The following UTRN variants were observed in gnomAD, a reference collection of about 807,000 sequenced individuals.
UTRN encodes dystrophin-related protein 1.
UTRN carries 283 observed loss-of-function variants against 463.9 expected under a neutral mutation model. The observed-to-expected ratio is 0.61, with a 90% CI of 0.55 to 0.67. The LOEUF (loss-of-function observed/expected upper bound fraction) is 0.67. Ranked by LOEUF, UTRN falls within the 30% of genes least tolerant of loss-of-function variation. UTRN has a pLI of 0.00. For missense variants in UTRN, 3,922 were observed against 4,084.3 expected (o/e 0.96, Z 1.08); for synonymous variants, 1,442 against 1,431.5 (o/e 1.01, Z -0.17).
At chr6:144,641,722 G>A (rs1056560505) in intron 51 of UTRN, among the ~76,000 whole-genome samples, 1 of 152,138 alleles carries the variant, frequency 6.6e-6, no homozygotes, top group Non-Finnish European at 1.5e-5. Context: ...ATACCAAAAT[G>A]CTACTTTTAG....
chr6:144,482,120 T>C, intron 26 of UTRN, 89 bp from the exon 27 acceptor site: 1 of 1,240,378 alleles, frequency 8.1e-7, no homozygotes, highest in Non-Finnish European at 1.1e-6. Flanking sequence ...TTAACTTTGG[T>C]TTAATTCTTG....
chr6:144,693,034 T>C (rs1783598843), intron 52 of UTRN, among the ~76,000 whole-genome samples: 1 of 152,098 alleles, frequency 6.6e-6, no homozygotes, highest in Non-Finnish European at 1.5e-5. Context: ...GGGTTTTACA[T>C]TTAAGTATTT....
intron 19 of UTRN, among the ~76,000 whole-genome samples, chr6:144,456,289 G>C (rs1788805575): frequency 1.3e-5 from 2 of 152,064 alleles, no homozygotes; most frequent in South Asian, 2.1e-4. Context: ...ATTCTGATAG[G>C]TCTTTCCTGC....
chr6:144,730,432 G>A lies in UTRN; in HGVS notation c.7885G>A (p.Asp2629Asn). The change falls in exon 54 of 75, where the codon GAT (aspartate) becomes AAT (asparagine). Residue 2629 changes from aspartate to asparagine, a missense_variant. Asp to Asn is a conservative substitution (Grantham distance 23, BLOSUM62 1). This residue lies in a region of UTRN where 1,309 missense variants were observed against 1,452.6 expected (regional missense o/e 0.90). Transcript: ENST00000367545. ...CGACCAGGCCCGAGTTTTCTTGGCT[G>A]ATCAGCCAATTGAGGCCCCTGAAGA... ...AVDQARVFLA[D>N]QPIEAPEEPR... 1.2e-6 allele frequency: 2 copies of A among 1,611,452 alleles called. No homozygotes were observed. Among genetic ancestry groups the A allele is most frequent in the Non-Finnish European group, 1.7e-6 (2 of 1,178,660 alleles).
At chr6:144,329,333 G>T (rs56167520) in intron 2 of UTRN, among the ~76,000 whole-genome samples, 2 of 151,928 alleles carry the variant, frequency 1.3e-5, no homozygotes, top group African/African-American at 4.8e-5. Context: ...CGCCTGCCTC[G>T]GCCTCCCAAA....
At chr6:144,830,478 A>C (rs752420628) in intron 69 of UTRN, among the ~76,000 whole-genome samples, 4 of 152,192 alleles carry the variant, frequency 2.6e-5, no homozygotes, top group South Asian at 2.1e-4. Flanking sequence ...ATGTATATAC[A>C]GTTACAATTA....
intron 4 of UTRN, among the ~76,000 whole-genome samples, chr6:144,422,482 C>T (rs866353736): frequency 1.3e-5 from 2 of 152,000 alleles, no homozygotes; most frequent in South Asian, 2.1e-4. Context: ...CTGGGTGTGG[C>T]GGCATGTGCC....
intron 51 of UTRN, among the ~76,000 whole-genome samples, chr6:144,628,305 C>T (rs1776156674): frequency 1.3e-5 from 2 of 152,160 alleles, no homozygotes; most frequent in South Asian, 2.1e-4. Flanking sequence ...ATTTTATTCA[C>T]CTCTCAAAGC....
At chr6:144,423,936 A>G in intron 5 of UTRN, 50 bp from the exon 6 acceptor site, 1 of 1,573,802 alleles carries the variant, frequency 6.4e-7, no homozygotes, top group Middle Eastern at 1.7e-4. Flanking sequence ...TTCTGTGAAG[A>G]AATTGTCTTA....
chr6:144,685,070 C>T (rs1342193835), intron 52 of UTRN, among the ~76,000 whole-genome samples: 1 of 152,110 alleles, frequency 6.6e-6, no homozygotes, highest in Admixed American at 6.6e-5. Context: ...CATTATATCA[C>T]TGTGTATGCC....
At chr6:144,726,930 A>G (rs1024353957) in intron 53 of UTRN, among the ~76,000 whole-genome samples, 3 of 152,340 alleles carry the variant, frequency 2.0e-5, no homozygotes, top group African/African-American at 7.2e-5. Context: ...CAATATGTAC[A>G]TATTTCCATT....
chr6:144,440,384 G>C lies in UTRN; in HGVS notation c.1425G>C (p.Val475=). 6.2e-7 allele frequency: 1 copy of C among 1,614,180 alleles called. No individual in the cohort carries two copies. Among genetic ancestry groups the C allele is most frequent in the Non-Finnish European group, 8.5e-7 (1 of 1,180,032 alleles). Residue 475 remains valine, a synonymous_variant, in exon 13 of 75, where the codon GTG becomes GTC. Transcript: ENST00000367545. ...SLQSDLEAEQ[V]KVNSLTHMVV... is the part of the protein sequence containing the mutation. ...AAAGTGATCTTGAGGCTGAACAGGT[G>C]AAAGTAAATTCACTAACTCACATGG...
intron 19 of UTRN, among the ~76,000 whole-genome samples, chr6:144,455,224 A>G (rs1788703700): frequency 6.6e-6 from 1 of 152,210 alleles, no homozygotes; most frequent in African/African-American, 2.4e-5. Context: ...TTATTAATAA[A>G]TGTTAATTTC....
At chr6:144,391,077 CTT>C (rs879693089) in intron 2 of UTRN, among the ~76,000 whole-genome samples, 11 of 146,104 alleles carry the variant, frequency 7.5e-5, no homozygotes, top group African/African-American at 7.5e-5. Flanking sequence ...ATTCCCAGTT[CTT>C]TTTTTTTTTT....
intron 3 of UTRN, among the ~76,000 whole-genome samples, chr6:144,412,421 T>A (rs1015991184): frequency 1.3e-5 from 2 of 152,128 alleles, no homozygotes; most frequent in Admixed American, 1.3e-4. Context: ...TATTAAGAAA[T>A]TGAAAAATTA....
At chr6:144,586,755 T>C (rs1357078939) in intron 51 of UTRN, among the ~76,000 whole-genome samples, 1 of 152,100 alleles carries the variant, frequency 6.6e-6, no homozygotes, top group East Asian at 1.9e-4. Context: ...AGCAGTTTCC[T>C]GTAAAGTAGA....
intron 27 of UTRN, among the ~76,000 whole-genome samples, chr6:144,484,771 C>G (rs979895482): frequency 1.3e-5 from 2 of 151,988 alleles, no homozygotes; most frequent in African/African-American, 4.8e-5. Context: ...TAATGTTTCT[C>G]TCCTGTTTTT....
chr6:144,459,186 A>C lies in UTRN; in HGVS notation c.2539A>C (p.Asn847His), dbSNP rs148685925. ...LKDSCQRELT[N>H]LLGLHPKIEM... Reference sequence around the variant, plus strand: ...TTCTCTTCCTTAGCGGGAATTGACAAATCTTCTTGGCCTTCACCCCAAAAT... The same window carrying C: ...TTCTCTTCCTTAGCGGGAATTGACACATCTTCTTGGCCTTCACCCCAAAAT... Residue 847 changes from asparagine (N) to histidine (H), a missense_variant, in exon 21 of 75, where the codon AAT becomes CAT. Transcript: ENST00000367545. The C allele has an allele frequency of 4.6e-4, 739 of 1,610,856 alleles. 2 individuals are homozygous for C. Among genetic ancestry groups the C allele is most frequent in the South Asian group, 4.3e-3 (388 of 90,478 alleles).
Position 144,747,240 on chromosome 6 carries a change from G to C in UTRN, c.7940-1006G>C, listed in dbSNP as rs537058041. On this transcript the variant is annotated intron_variant, in intron 54 of 74. Coordinates refer to ENST00000367545, the MANE Select transcript of UTRN (RefSeq NM_007124.3). ...AATGTGTTTTCTGTCTCAAATTAAT[G>C]TACAGTTTATGTCAATTGCACTGCC... Among the ~76,000 whole-genome samples the C allele has an allele frequency of 2.6e-5, 4 of 152,298 alleles. No individual in the cohort carries two copies. In the South Asian group the frequency reaches 8.3e-4, roughly 32 times the overall value.
Sources: gnomAD v4.1 joint callset for allele counts (sites outside exome capture counted in the v4.1 genomes callset) on GRCh38, gnomAD v4.1.1 for gene constraint, gnomAD v4.1.1 regional missense constraint, MANE v1.5 for transcripts, NCBI Gene and HGNC (gene_info 2026-07-23, HGNC 2026-07-21) for gene names.